Variants in ZDHHC14 observed in about 807,000 individuals in gnomAD.
ZDHHC14 encodes the protein palmitoyltransferase ZDHHC14.
ZDHHC14 carries 16 observed loss-of-function variants against 47.7 expected under a neutral mutation model. That is an observed-to-expected ratio of 0.34 (90% confidence interval 0.23 to 0.51). ZDHHC14 has a LOEUF of 0.51. Ranked by LOEUF, ZDHHC14 falls within the 20% of genes least tolerant of loss-of-function variation. The pLI is 0.97. For synonymous variants in ZDHHC14, 293 were observed against 278.9 expected, an observed-to-expected ratio of 1.05 and a Z score of -0.50; for missense variants, 515 against 662.5, an observed-to-expected ratio of 0.78 and a Z score of 2.44.
intron 2 of ZDHHC14, among the ~76,000 whole-genome samples, chr6:157,545,882 G>C (rs1582917128): frequency 6.6e-6 from 1 of 152,180 alleles, no homozygotes; most frequent in African/African-American, 2.4e-5. Context: ...CTGTGAAATA[G>C]GAGTAATGGC....
chr6:157,461,619 T>A (rs1362705590), intron 1 of ZDHHC14, among the ~76,000 whole-genome samples: 1 of 152,052 alleles, frequency 6.6e-6, no homozygotes, highest in Non-Finnish European at 1.5e-5. Context: ...TGGGTTAGGG[T>A]CTTGAAGTTA....
At chr6:157,580,001 C>G (rs1783456251) in intron 2 of ZDHHC14, among the ~76,000 whole-genome samples, 1 of 152,176 alleles carries the variant, frequency 6.6e-6, no homozygotes, top group Non-Finnish European at 1.5e-5. Flanking sequence ...TTTGCCCATT[C>G]AGTATGATGT....
At chr6:157,659,623 G>A (rs1420321534) in intron 8 of ZDHHC14, among the ~76,000 whole-genome samples, 4 of 152,118 alleles carry the variant, frequency 2.6e-5, no homozygotes, top group African/African-American at 4.8e-5. Flanking sequence ...GTGCCTGGCC[G>A]AAAGGGTCCC....
intron 1 of ZDHHC14, among the ~76,000 whole-genome samples, chr6:157,524,858 T>C (rs79489748): frequency 2.0e-5 from 3 of 152,238 alleles, no homozygotes; most frequent in East Asian, 3.8e-4. Context: ...TAGTTTTGTT[T>C]AGTTTGTGCC....
intron 1 of ZDHHC14, among the ~76,000 whole-genome samples, chr6:157,429,261 G>A (rs1778287595): frequency 6.6e-6 from 1 of 152,186 alleles, no homozygotes; most frequent in South Asian, 2.1e-4. Context: ...TAGGTTGCTG[G>A]TCAGAATGGA....
At chr6:157,458,518 T>C (rs1778983087) in intron 1 of ZDHHC14, among the ~76,000 whole-genome samples, 1 of 152,194 alleles carries the variant, frequency 6.6e-6, no homozygotes. Flanking sequence ...ATTCAAAAAA[T>C]TCTTTTGGGA....
chr6:157,410,458 C>T (rs1186961383), intron 1 of ZDHHC14, among the ~76,000 whole-genome samples: 1 of 152,152 alleles, frequency 6.6e-6, no homozygotes, highest in African/African-American at 2.4e-5. Context: ...TGTGTAAAGA[C>T]TTGCAGATCT....
intron 8 of ZDHHC14, among the ~76,000 whole-genome samples, chr6:157,668,746 C>T (rs971935140): frequency 2.0e-5 from 3 of 152,114 alleles, no homozygotes; most frequent in Admixed American, 6.5e-5. Flanking sequence ...GGCTAAACTT[C>T]TTCTTTCACA....
At chr6:157,413,169 C>T (rs1347181447) in intron 1 of ZDHHC14, among the ~76,000 whole-genome samples, 1 of 152,106 alleles carries the variant, frequency 6.6e-6, no homozygotes, top group Non-Finnish European at 1.5e-5. Context: ...ACACGCACTC[C>T]GTGTTTGTAG....
chr6:157,659,497 C>G (rs1421768446), intron 8 of ZDHHC14, among the ~76,000 whole-genome samples: 5 of 152,220 alleles, frequency 3.3e-5, no homozygotes, highest in Non-Finnish European at 5.9e-5. Flanking sequence ...GACAACAGTA[C>G]AAATTCTCTG....
chr6:157,660,226 C>G (rs1174579047), intron 8 of ZDHHC14, among the ~76,000 whole-genome samples: 1 of 145,252 alleles, frequency 6.9e-6, no homozygotes, highest in Non-Finnish European at 1.5e-5. Context: ...GAGTCTCACT[C>G]TTTTCGCCCA....
At chr6:157,515,401 C>A (rs1780647239) in intron 1 of ZDHHC14, among the ~76,000 whole-genome samples, 1 of 151,662 alleles carries the variant, frequency 6.6e-6, no homozygotes, top group African/African-American at 2.4e-5. Flanking sequence ...TGGGCTGATG[C>A]GAAATCACAC....
chr6:157,601,916 A>G (rs935072590), intron 3 of ZDHHC14, among the ~76,000 whole-genome samples: 1 of 152,218 alleles, frequency 6.6e-6, no homozygotes, highest in African/African-American at 2.4e-5. Flanking sequence ...TAAAGAATGC[A>G]TTCAGGGCTG....
At chr6:157,585,970 A>C (rs1783683531) in intron 2 of ZDHHC14, among the ~76,000 whole-genome samples, 1 of 152,150 alleles carries the variant, frequency 6.6e-6, no homozygotes, top group Admixed American at 6.5e-5. Context: ...GAGGTGCGGG[A>C]GCATGGCAGT....
chr6:157,656,305 C>A (rs1778086056), intron 8 of ZDHHC14, among the ~76,000 whole-genome samples: 1 of 151,832 alleles, frequency 6.6e-6, no homozygotes. Context: ...TGTTGGTCAC[C>A]CCTTGTCACT....
chr6:157,631,899 C>A (rs1252427343), intron 4 of ZDHHC14: 1 of 152,254 alleles, frequency 6.6e-6, no homozygotes, highest in African/African-American at 2.4e-5. Flanking sequence ...CTTCACAGCC[C>A]CTCCCACACA....
chr6:157,571,776 ATT>A (rs548623336), intron 2 of ZDHHC14, among the ~76,000 whole-genome samples: 2,912 of 122,396 alleles, frequency 0.024, 27 homozygotes, highest in Middle Eastern at 0.068. Context: ...AGGAATCTGT[ATT>A]TTTTTTTTTT....
At chr6:157,614,030 A>G (rs1420189769) in intron 3 of ZDHHC14, among the ~76,000 whole-genome samples, 1 of 152,004 alleles carries the variant, frequency 6.6e-6, no homozygotes, top group African/African-American at 2.4e-5. Flanking sequence ...TTCCCATCAC[A>G]CCTTCACCCA....
At chr6:157,476,419 C>T (rs1444359172) in intron 1 of ZDHHC14, among the ~76,000 whole-genome samples, 2 of 152,164 alleles carry the variant, frequency 1.3e-5, no homozygotes, top group Non-Finnish European at 2.9e-5. Flanking sequence ...ATTAAAAAGT[C>T]TGCCATCAAA....
Sources: allele counts gnomAD v4.1 joint callset (sites outside exome capture counted in the v4.1 genomes callset), GRCh38; gene constraint gnomAD v4.1.1; transcripts MANE v1.5; gene names NCBI Gene and HGNC (gene_info 2026-07-23, HGNC 2026-07-21).